NOL4: variants seen among roughly 807,000 people sequenced by gnomAD.
NOL4 encodes the protein nucleolar protein 4, also known as cancer/testis antigen 125.
In NOL4, 17 loss-of-function variants were observed where a neutral mutation model predicts 75.9. The ratio of observed to expected loss-of-function variants is 0.22; its 90% confidence interval spans 0.15 to 0.34. NOL4 has a LOEUF of 0.34. Ranked by LOEUF, NOL4 falls within the 10% of genes least tolerant of loss-of-function variation. The probability of loss-of-function intolerance (pLI) is 1.00; values close to 1 mark genes in which losing one functional copy is unlikely to be tolerated. For synonymous variants in NOL4, 292 were observed against 289.9 expected, an observed-to-expected ratio of 1.01 and a Z score of -0.07; for missense variants, 614 against 793.5, an observed-to-expected ratio of 0.77 and a Z score of 2.72.
chr18:33,886,951 T>C (rs1356807836), intron 9 of NOL4, among the ~76,000 whole-genome samples: 1 of 132,912 alleles, frequency 7.5e-6, no homozygotes, highest in Non-Finnish European at 1.6e-5. Context: ...TATCTAGATA[T>C]ATTATATCTA....
intron 9 of NOL4, among the ~76,000 whole-genome samples, chr18:33,914,131 G>A (rs1302751212): frequency 6.6e-6 from 1 of 152,122 alleles, no homozygotes; most frequent in East Asian, 1.9e-4. Context: ...CATGAAAGGA[G>A]GATATAAAAT....
At chr18:33,874,605 T>C (rs546201295) in intron 10 of NOL4, among the ~76,000 whole-genome samples, 22 of 152,052 alleles carry the variant, frequency 1.4e-4, no homozygotes, top group Admixed American at 3.9e-4. Context: ...AATCCATCTT[T>C]TGTTTGGCAA....
In NOL4 at chr18:34,008,561, A is replaced by AT. The variant is rs1210287895; in HGVS notation, c.1056+10756dup. 3.3e-5 allele frequency among the ~76,000 whole-genome samples: 5 copies of AT among 152,008 alleles called. No homozygotes were observed. The East Asian group carries it at 9.7e-4, about 29-fold the overall frequency. On this transcript the variant is annotated intron_variant, in intron 6 of 10. Coordinates refer to ENST00000261592, the MANE Select transcript of NOL4 (RefSeq NM_003787.5). ...TGTCTCATACGTGAAAATGTAATTG[A>AT]TAAAAAATACTTAATTATTTTACGT...
intron 5 of NOL4, among the ~76,000 whole-genome samples, chr18:34,071,765 A>T (rs887746104): frequency 2.6e-5 from 4 of 152,160 alleles, no homozygotes; most frequent in African/African-American, 9.7e-5. Flanking sequence ...GGTGTATTAA[A>T]TGCATTTTTC....
rs116540297 is a variant in NOL4, at chr18:34,149,860, G to A, written c.265-19840C>T. ...TAGAATTGTCCCTGGTATATAGTACGTAATCAGCAAATATTCAATTGAAGT... is the reference window on the plus strand; with the variant it reads ...TAGAATTGTCCCTGGTATATAGTACATAATCAGCAAATATTCAATTGAAGT... On this transcript the variant is annotated intron_variant, in intron 1 of 10. Coordinates refer to ENST00000261592, the MANE Select transcript of NOL4 (RefSeq NM_003787.5). 9.0e-3 allele frequency among the ~76,000 whole-genome samples: 1,367 copies of A among 151,758 alleles called. 21 individuals carry two copies. Among genetic ancestry groups the A allele is most frequent in the African/African-American group, 0.031 (1,276 of 41,506 alleles).
At chr18:34,217,363 C>A (rs1366878049) in intron 1 of NOL4, among the ~76,000 whole-genome samples, 3 of 152,026 alleles carry the variant, frequency 2.0e-5, no homozygotes, top group Non-Finnish European at 4.4e-5. Context: ...CGGCTCACTG[C>A]AACCTCCGCC....
At chr18:33,959,946 T>C (rs2069967017) in intron 6 of NOL4, among the ~76,000 whole-genome samples, 1 of 152,068 alleles carries the variant, frequency 6.6e-6, no homozygotes, top group African/African-American at 2.4e-5. Context: ...AGTGTGTGTG[T>C]GTGTGTGTGT....
chr18:34,211,008 C>T (rs915921001), intron 1 of NOL4, among the ~76,000 whole-genome samples: 5 of 151,774 alleles, frequency 3.3e-5, no homozygotes, highest in Admixed American at 1.3e-4. Flanking sequence ...TCCTCCTTTA[C>T]GGTGGAGGTT....
intron 1 of NOL4, among the ~76,000 whole-genome samples, chr18:34,156,309 T>C (rs1410627392): frequency 1.3e-5 from 2 of 152,166 alleles, no homozygotes; most frequent in African/African-American, 4.8e-5. Flanking sequence ...ATTACTGTTA[T>C]TCCTATTTTG....
At chr18:33,871,753 G>A (rs960204871) in intron 10 of NOL4, among the ~76,000 whole-genome samples, 1 of 151,956 alleles carries the variant, frequency 6.6e-6, no homozygotes, top group South Asian at 2.1e-4. Context: ...TAGAGAACAG[G>A]CTTTTAGGAA....
intron 2 of NOL4, among the ~76,000 whole-genome samples, chr18:34,119,791 T>C (rs2145827710): frequency 6.6e-6 from 1 of 152,122 alleles, no homozygotes; most frequent in African/African-American, 2.4e-5. Flanking sequence ...CTGGCTAATT[T>C]TTTTGTACTT....
chr18:34,059,116 G>GATATACATAT (rs2076954419), intron 5 of NOL4, among the ~76,000 whole-genome samples: 1 of 80,936 alleles, frequency 1.2e-5, no homozygotes, highest in Non-Finnish European at 2.5e-5. Flanking sequence ...GAGATAGATA[G>GATATACATAT]ATATACATAT....
At chr18:34,112,214 TG>T (rs1467829240) in intron 2 of NOL4, among the ~76,000 whole-genome samples, 1 of 151,758 alleles carries the variant, frequency 6.6e-6, no homozygotes, top group African/African-American at 2.4e-5. Flanking sequence ...ACTAAAATTA[TG>T]AAAATTGGCC....
Position 34,116,201 on chromosome 18 carries a change from T to C in NOL4, c.415-11041A>G, listed in dbSNP as rs1234450930. Among the ~76,000 whole-genome samples, 7 of 152,174 alleles carry C rather than the reference T, an allele frequency of 4.6e-5. No individual in the cohort carries two copies. In the East Asian group the frequency reaches 1.4e-3, roughly 29 times the overall value. ...CTCTGGAGCAATAACAGCACAACATTAGTGATCCAGTGACAAACTTATCCA... is the reference window on the plus strand; with the variant it reads ...CTCTGGAGCAATAACAGCACAACATCAGTGATCCAGTGACAAACTTATCCA... On this transcript the variant is annotated intron_variant, in intron 2 of 10. Transcript: ENST00000261592.
chr18:34,187,981 G>A (rs1326008678), intron 1 of NOL4, among the ~76,000 whole-genome samples: 1 of 152,088 alleles, frequency 6.6e-6, no homozygotes, highest in African/African-American at 2.4e-5. Context: ...CACGAACATT[G>A]GTACTGTCAG....
chr18:34,064,965 T>C (rs539350467), intron 5 of NOL4, among the ~76,000 whole-genome samples: 1 of 151,714 alleles, frequency 6.6e-6, no homozygotes, highest in East Asian at 1.9e-4. Context: ...CATATGTGTC[T>C]TGTTTTTATG....
chr18:34,187,899 C>A (rs2034615816), intron 1 of NOL4, among the ~76,000 whole-genome samples: 1 of 152,144 alleles, frequency 6.6e-6, no homozygotes. Context: ...AACCATGAAA[C>A]TGTCTTCCAA....
intron 6 of NOL4, among the ~76,000 whole-genome samples, chr18:33,997,507 TC>T (rs751522145): frequency 2.0e-5 from 3 of 151,710 alleles, no homozygotes; most frequent in Non-Finnish European, 2.9e-5. Flanking sequence ...GGTAATGTGA[TC>T]GTCTGGCTTT....
intron 5 of NOL4, among the ~76,000 whole-genome samples, chr18:34,020,536 T>A (rs577340334): frequency 1.3e-5 from 2 of 152,322 alleles, no homozygotes; most frequent in African/African-American, 4.8e-5. Flanking sequence ...ATTGTGTGTA[T>A]CTCTTTGTAG....
Sources: gnomAD v4.1 joint callset for allele counts (sites outside exome capture counted in the v4.1 genomes callset) on GRCh38, gnomAD v4.1.1 for gene constraint, MANE v1.5 for transcripts, NCBI Gene and HGNC (gene_info 2026-07-23, HGNC 2026-07-21) for gene names.